The following C12orf42 variants were observed in gnomAD, a reference collection of about 807,000 sequenced individuals.
C12orf42 encodes the protein uncharacterized protein C12orf42.
Under a neutral mutation model 21.6 loss-of-function variants are expected in C12orf42, and 25 were observed. That is an observed-to-expected ratio of 1.16 (90% CI 0.84 to 1.62). The LOEUF (loss-of-function observed/expected upper bound fraction) is 1.62. Among genes scored for constraint, C12orf42 ranks in the 40% most tolerant of loss-of-function variants. The probability of loss-of-function intolerance (pLI) is 0.00; values close to 1 mark genes in which losing one functional copy is unlikely to be tolerated. For synonymous variants in C12orf42, 174 were observed against 175.0 expected, an observed-to-expected ratio of 0.99 and a Z score of 0.05; for missense variants, 483 against 459.3, an observed-to-expected ratio of 1.05 and a Z score of -0.47.
chr12:103,536,438 T>C, the C12orf42 span, among the ~76,000 whole-genome samples: 3 of 152,062 alleles, frequency 2.0e-5, no homozygotes, highest in African/African-American at 7.2e-5. Flanking sequence ...AGATGTCAAT[T>C]GAAGCAATGG....
the C12orf42 span, among the ~76,000 whole-genome samples, chr12:103,209,517 A>G: frequency 6.6e-6 from 1 of 152,200 alleles, no homozygotes; most frequent in Non-Finnish European, 1.5e-5. Flanking sequence ...TATAATATTA[A>G]TAAAAGGTGA....
At chr12:103,253,191 C>T (rs1411306953) in intron 10 of C12orf42, among the ~76,000 whole-genome samples, 2 of 152,150 alleles carry the variant, frequency 1.3e-5, no homozygotes, top group Non-Finnish European at 2.9e-5. Flanking sequence ...CAATATCATG[C>T]TGTTTTCGTT....
chr12:103,128,408 C>T, the C12orf42 span, among the ~76,000 whole-genome samples: 3 of 152,216 alleles, frequency 2.0e-5, no homozygotes, highest in Non-Finnish European at 2.9e-5. Flanking sequence ...CAATGTGGTA[C>T]AGCCGAAATG....
chr12:103,550,140 C>T, the C12orf42 span, among the ~76,000 whole-genome samples: 28 of 152,002 alleles, frequency 1.8e-4, no homozygotes, highest in African/African-American at 5.8e-4. Flanking sequence ...TTTCAAATCA[C>T]CTATAATTTC....
the C12orf42 span, among the ~76,000 whole-genome samples, chr12:103,061,122 G>T: frequency 4.3e-4 from 65 of 152,238 alleles, no homozygotes; most frequent in Non-Finnish European, 5.0e-4. Context: ...GGGAGTTTGG[G>T]TCCCATTAGG....
chr12:103,562,061 G>T, the C12orf42 span, among the ~76,000 whole-genome samples: 6 of 152,190 alleles, frequency 3.9e-5, no homozygotes, highest in Non-Finnish European at 7.3e-5. Context: ...ATGTTCTGCT[G>T]CAGGAGGATT....
At chr12:103,165,059 T>C in the C12orf42 span, among the ~76,000 whole-genome samples, 11 of 152,216 alleles carry the variant, frequency 7.2e-5, no homozygotes, top group Admixed American at 1.3e-4. Flanking sequence ...TAGAGTGAAA[T>C]GACCGTTTGC....
chr12:103,080,259 C>T, the C12orf42 span, among the ~76,000 whole-genome samples: 1 of 152,102 alleles, frequency 6.6e-6, no homozygotes, highest in Non-Finnish European at 1.5e-5. Context: ...ATGTGAAATC[C>T]TCACCTGATG....
At chr12:103,306,750 C>T (rs2038378795) in intron 4 of C12orf42, among the ~76,000 whole-genome samples, 1 of 152,158 alleles carries the variant, frequency 6.6e-6, no homozygotes, top group African/African-American at 2.4e-5. Context: ...AAGTCCTAAC[C>T]CGCAGCACCT....
the C12orf42 span, among the ~76,000 whole-genome samples, chr12:103,207,069 G>C: frequency 6.6e-6 from 1 of 152,146 alleles, no homozygotes; most frequent in South Asian, 2.1e-4. Flanking sequence ...AAGGAAATGC[G>C]ACATGTGCCT....
downstream of C12orf42, among the ~76,000 whole-genome samples, chr12:103,298,139 C>T (rs1175639249): frequency 6.6e-6 from 1 of 151,766 alleles, no homozygotes; most frequent in South Asian, 2.1e-4. Context: ...AAAGGGTATT[C>T]AATTAGGAAA....
the C12orf42 span, among the ~76,000 whole-genome samples, chr12:103,551,366 A>G: frequency 6.6e-6 from 1 of 152,164 alleles, no homozygotes; most frequent in South Asian, 2.1e-4. Context: ...AATAATAATA[A>G]TATGGTTGAG....
At chr12:103,418,585 G>C (rs2139067163) in intron 2 of C12orf42, among the ~76,000 whole-genome samples, 1 of 151,982 alleles carries the variant, frequency 6.6e-6, no homozygotes, top group African/African-American at 2.4e-5. Context: ...CGGGTGGGAT[G>C]CTTTAATGCT....
intron 5 of C12orf42, among the ~76,000 whole-genome samples, chr12:103,276,630 T>C (rs1268892562): frequency 6.6e-6 from 1 of 152,228 alleles, no homozygotes; most frequent in East Asian, 1.9e-4. Flanking sequence ...AGAGCTGCTG[T>C]CAACCACAAC....
chr12:103,306,318 A>G lies in C12orf42; in HGVS notation c.287T>C (p.Met96Thr). The G allele has an allele frequency of 1.2e-6, 2 of 1,608,734 alleles. No homozygotes were observed. The highest frequency in any genetic ancestry group is 1.7e-5 in the Admixed American group (1 of 59,134). The change falls in exon 5 of 6, where the codon ATG (methionine) becomes ACG (threonine). Residue 96 changes from methionine to threonine, a missense_variant. By Grantham distance (81) the Met-to-Thr change is moderately conservative (BLOSUM62 -1). Transcript: ENST00000548883. ...PVFPERTQNSMACKRLLHTCQ... is the reference protein window; with the variant it reads ...PVFPERTQNSTACKRLLHTCQ... ...AGTATGAAGTAGTCTTTTACACGCC[A>G]TTGAATTTTGAGTCCTTTCTGGAAA...
At chr12:103,542,606 A>C in the C12orf42 span, among the ~76,000 whole-genome samples, 2 of 152,244 alleles carry the variant, frequency 1.3e-5, no homozygotes, top group Non-Finnish European at 2.9e-5. Context: ...AGGAACAATA[A>C]GAAGTTGTAG....
intron 1 of C12orf42, among the ~76,000 whole-genome samples, chr12:103,487,789 T>A (rs1274849972): frequency 6.6e-6 from 1 of 152,176 alleles, no homozygotes; most frequent in African/African-American, 2.4e-5. Context: ...CCTCCTTTTT[T>A]TTGCTTTCCA....
intron 2 of C12orf42, among the ~76,000 whole-genome samples, chr12:103,459,161 G>A (rs188423390): frequency 5.7e-4 from 87 of 152,270 alleles, no homozygotes; most frequent in Non-Finnish European, 1.0e-3. Context: ...CCCAGGAAGG[G>A]CTCATCTCAG....
the C12orf42 span, among the ~76,000 whole-genome samples, chr12:103,201,067 C>T: frequency 5.3e-5 from 8 of 152,248 alleles, no homozygotes; most frequent in South Asian, 1.0e-3. Context: ...CAGGTGAATA[C>T]GGCAGATGAG....
Sources: gnomAD v4.1 joint callset for allele counts (sites outside exome capture counted in the v4.1 genomes callset) on GRCh38, gnomAD v4.1.1 for gene constraint, MANE v1.5 for transcripts, NCBI Gene and HGNC (gene_info 2026-07-23, HGNC 2026-07-21) for gene names.